PCSK6: variants seen among roughly 807,000 people sequenced by gnomAD.
PCSK6 encodes paired basic amino acid cleaving enzyme 4.
A neutral mutation model predicts 123.3 loss-of-function variants in PCSK6; 85 were observed. The observed-to-expected ratio is 0.69, with a 90% CI of 0.58 to 0.83. The LOEUF is 0.83. PCSK6 is among the 40% of genes least tolerant of loss of function. The pLI is 0.00. For synonymous variants in PCSK6, 508 were observed against 516.0 expected (o/e 0.98, Z 0.21); for missense variants, 1,191 against 1,282.3 (o/e 0.93, Z 1.09).
chr15:101,438,582 C>T (rs914797375), intron 2 of PCSK6, among the ~76,000 whole-genome samples: 4 of 152,178 alleles, frequency 2.6e-5, no homozygotes, highest in Non-Finnish European at 4.4e-5. Context: ...TCCTCTCTCC[C>T]GAGGCATCCG....
chr15:101,438,964 G>A (rs2056680715), intron 2 of PCSK6, among the ~76,000 whole-genome samples: 1 of 152,244 alleles, frequency 6.6e-6, no homozygotes, highest in Admixed American at 6.5e-5. Flanking sequence ...GGGAAAAAGA[G>A]CGAAAGTCAC....
intron 1 of PCSK6, among the ~76,000 whole-genome samples, chr15:101,477,985 C>T (rs2057774657): frequency 6.6e-6 from 1 of 152,202 alleles, no homozygotes; most frequent in Non-Finnish European, 1.5e-5. Flanking sequence ...GACTTCTTCA[C>T]AGGTCCCTTC....
intron 11 of PCSK6, among the ~76,000 whole-genome samples, chr15:101,376,888 A>G (rs1359114137): frequency 6.6e-6 from 1 of 152,160 alleles, no homozygotes; most frequent in Non-Finnish European, 1.5e-5. Context: ...ACAGCCCAAG[A>G]GGAGAAACCA....
chr15:101,356,337 T>C (rs1352390284), intron 13 of PCSK6, among the ~76,000 whole-genome samples: 1 of 151,968 alleles, frequency 6.6e-6, no homozygotes, highest in African/African-American at 2.4e-5. Context: ...GTCCTAGTGT[T>C]CCCAAATCTG....
intron 1 of PCSK6, among the ~76,000 whole-genome samples, chr15:101,470,170 T>C (rs978605580): frequency 3.9e-5 from 6 of 152,210 alleles, no homozygotes; most frequent in Non-Finnish European, 5.9e-5. Flanking sequence ...GCAGGCGAAT[T>C]ATGCCTGTTC....
chr15:101,480,721 A>G (rs957006401), intron 1 of PCSK6, among the ~76,000 whole-genome samples: 5 of 152,206 alleles, frequency 3.3e-5, no homozygotes, highest in African/African-American at 1.2e-4. Context: ...CCAGGGCACT[A>G]GTGGGGCCTT....
At chr15:101,467,396 C>T (rs1391756381) in intron 1 of PCSK6, among the ~76,000 whole-genome samples, 1 of 152,034 alleles carries the variant, frequency 6.6e-6, no homozygotes, top group African/African-American at 2.4e-5. Flanking sequence ...CTCAGCCTCC[C>T]GAGTAGCTGG....
chr15:101,463,043 G>A (rs765624787), intron 1 of PCSK6: 5 of 462,204 alleles, frequency 1.1e-5, no homozygotes, highest in East Asian at 6.6e-5. Flanking sequence ...GTGAGAGTTC[G>A]CTGCCAAAAC....
intron 11 of PCSK6, among the ~76,000 whole-genome samples, chr15:101,371,049 A>T (rs1259866372): frequency 2.6e-5 from 4 of 152,210 alleles, no homozygotes; most frequent in African/African-American, 9.7e-5. Context: ...TCTACTAAAA[A>T]TACAAAAATT....
At position 101,489,484 on chromosome 15, in the gene PCSK6, C is replaced by T; in HGVS notation, c.187G>A (p.Ala63Thr). ...GTGTAGACGGGGCGCGGCGGGGGCG[C>T]GGAGCAGGCGGCAGGCAGCGCCAGC... ...LLLALPAACSAPPPRPVYTNH... is the reference protein window; with the variant it reads ...LLLALPAACSTPPPRPVYTNH... Residue 63 changes from alanine (A) to threonine (T), a missense_variant, in exon 1 of 22, where the codon GCG (alanine) becomes ACG (threonine). Ala to Thr is a moderately conservative substitution (Grantham distance 58). Transcript: ENST00000611716. 6.5e-6 allele frequency: 7 copies of T among 1,075,960 alleles called. No individual in the cohort carries two copies. Among genetic ancestry groups the T allele is most frequent in the South Asian group, 3.7e-5 (1 of 26,964 alleles). The allele number at this position is 1,075,960 out of a possible 1,614,324, so 66.7% of individuals were successfully genotyped here.
chr15:101,372,758 A>G (rs1319090912), intron 11 of PCSK6, among the ~76,000 whole-genome samples: 1 of 152,076 alleles, frequency 6.6e-6, no homozygotes, highest in Non-Finnish European at 1.5e-5. Context: ...CTCCCAGTCA[A>G]CCCCAAAAAC....
chr15:101,481,229 A>G (rs1167009943), intron 1 of PCSK6, among the ~76,000 whole-genome samples: 1 of 151,916 alleles, frequency 6.6e-6, no homozygotes, highest in African/African-American at 2.4e-5. Context: ...GGCCCAGACG[A>G]AGGGTACATC....
chr15:101,335,989 G>A (rs1264516347), intron 13 of PCSK6, among the ~76,000 whole-genome samples: 2 of 152,216 alleles, frequency 1.3e-5, no homozygotes, highest in African/African-American at 4.8e-5. Flanking sequence ...AACATAAAAA[G>A]GGTACAGTCA....
Position 101,427,969 on chromosome 15 carries a change from C to T in PCSK6, c.746G>A (p.Arg249His), listed in dbSNP as rs367709197. The T allele has an allele frequency of 2.4e-5, 38 of 1,576,864 alleles. No homozygotes were observed. Among genetic ancestry groups the T allele is most frequent in the Non-Finnish European group, 2.6e-5 (30 of 1,160,836 alleles). Residue 249 changes from arginine (R) to histidine (H), a missense_variant, in exon 6 of 22, where the codon CGT (arginine) becomes CAT (histidine). Physicochemically the swap from Arg to His is conservative, Grantham distance 29 (BLOSUM62 0). Transcript: ENST00000611716. The stretch of plus-strand genomic sequence containing the variant: ...TGAAGCAGCAACTTCTCCCGCACAA[C>T]GAGTGCCGTGTCTGAAACAAAGGAA... ...DASNENKHGT[R>H]CAGEVAASAN...
At chr15:101,425,405 G>T (rs1262495555) in intron 6 of PCSK6, among the ~76,000 whole-genome samples, 1 of 152,158 alleles carries the variant, frequency 6.6e-6, no homozygotes, top group Non-Finnish European at 1.5e-5. Flanking sequence ...CTCTGTGTGT[G>T]CTGGCACACA....
At chr15:101,324,821 G>A (rs2040209917) in intron 17 of PCSK6, 29 bp downstream of exon 17, 1 of 1,590,680 alleles carries the variant, frequency 6.3e-7, no homozygotes, top group Non-Finnish European at 8.6e-7. Flanking sequence ...TGGCTCATCA[G>A]TTCTTGTACC....
rs151056070 is a variant in PCSK6 at position 101,463,080 on chromosome 15, T to C, written c.298-19420A>G. The stretch of plus-strand genomic sequence containing the variant: ...ACTGTCTTCCCTGCCCTGCGGACAC[T>C]TCTTCCTCACCTTCCTAAAACTGTA... On this transcript the variant is annotated intron_variant, in intron 1 of 21. Coordinates refer to ENST00000611716, the MANE Select transcript of PCSK6 (RefSeq NM_002570.5). 421 of 460,426 alleles carry C rather than the reference T, an allele frequency of 9.1e-4. 7 individuals carry two copies. In the East Asian group the frequency reaches 0.023, roughly 26 times the overall value. 28.5% of individuals were successfully genotyped at this position (460,426 alleles called of 1,614,324 possible). A position where few individuals can be genotyped will look rare whatever the true frequency, so the allele number is the denominator to read the frequency against.
At chr15:101,437,633 A>T (rs887556077) in intron 2 of PCSK6, among the ~76,000 whole-genome samples, 4 of 152,234 alleles carry the variant, frequency 2.6e-5, no homozygotes, top group Non-Finnish European at 4.4e-5. Flanking sequence ...CTTAACAGTC[A>T]TGAGAGAGGG....
intron 19 of PCSK6, among the ~76,000 whole-genome samples, chr15:101,315,152 A>G (rs1479431071): frequency 6.6e-6 from 1 of 152,260 alleles, no homozygotes; most frequent in Admixed American, 6.5e-5. Flanking sequence ...TGCTCAATGT[A>G]TTAAGCTTCA....
Sources: gnomAD v4.1 joint callset for allele counts (sites outside exome capture counted in the v4.1 genomes callset) on GRCh38, gnomAD v4.1.1 for gene constraint, MANE v1.5 for transcripts, NCBI Gene and HGNC (gene_info 2026-07-23, HGNC 2026-07-21) for gene names.